Variants in ZNF587 observed in about 807,000 individuals in gnomAD.
The protein encoded by ZNF587 is zinc finger protein 587.
ZNF587 carries 8 observed loss-of-function variants against 7.5 expected under a neutral mutation model. The ratio of observed to expected loss-of-function variants is 1.06; its 90% confidence interval spans 0.62 to 1.92. ZNF587 has a LOEUF of 1.92. Ranked by LOEUF, ZNF587 falls within the 40% of genes most tolerant of loss-of-function variation. The pLI, the probability that ZNF587 is intolerant of heterozygous loss-of-function variation, is 0.00. For synonymous variants in ZNF587, 145 were observed against 237.8 expected, an observed-to-expected ratio of 0.61 and a Z score of 3.59; for missense variants, 468 against 692.8, an observed-to-expected ratio of 0.68 and a Z score of 3.64.
At position 57,862,794 on chromosome 19, in the gene ZNF587, C is replaced by T. The variant is rs367772630; in HGVS notation, c.*2654C>T. ...ACCCGGAGGCAGGGTGCCACCTCCT[C>T]AACTTCCCTGAGGGCTGCCTAGAAT... On this transcript the variant is annotated 3_prime_UTR_variant, in exon 3 of 3. Transcript: ENST00000339656. The T allele has an allele frequency of 6.4e-5, 10 of 155,120 alleles. No homozygotes were observed. Among genetic ancestry groups the T allele is most frequent in the African/African-American group, 2.4e-4 (10 of 41,644 alleles). The allele number at this position is 155,120 out of a possible 1,614,324, so 9.6% of individuals were successfully genotyped here.
intron 1 of ZNF587, among the ~76,000 whole-genome samples, chr19:57,855,012 T>TA (rs979827616): frequency 0.036 from 5,061 of 142,084 alleles, 234 homozygotes; most frequent in African/African-American, 0.11. Flanking sequence ...CCGTCTCTAC[T>TA]AAAAAAAAAA....
chr19:57,856,095 C>G lies in ZNF587; in HGVS notation c.34-9C>G. 1 of 1,612,656 alleles carries G rather than the reference C, an allele frequency of 6.2e-7. No homozygotes were observed. Among genetic ancestry groups the G allele is most frequent in the South Asian group, 1.1e-5 (1 of 90,880 alleles). On this transcript the variant is annotated splice_polypyrimidine_tract_variant and intron_variant, in intron 1 of 2. Transcript: ENST00000339656. ...GGGCTGCTTGTGGTTTCATCTGTCA[C>G]TATCATAGCAGGGCACTGTGACCTT...
In ZNF587 at chr19:57,856,363, G is replaced by C. The variant is rs867594050; in HGVS notation, c.163+130G>C. 1.7e-5 allele frequency: 24 copies of C among 1,440,240 alleles called. No homozygotes were observed. In the Middle Eastern group the frequency reaches 9.5e-4, roughly 57 times the overall value. The allele number at this position is 1,440,240 out of a possible 1,614,324, so 89.2% of individuals were successfully genotyped here. A position where few individuals can be genotyped will look rare whatever the true frequency, so the allele number is the denominator to read the frequency against. On this transcript the variant is annotated intron_variant, in intron 2 of 2. Coordinates refer to ENST00000339656, the MANE Select transcript of ZNF587 (RefSeq NM_032828.4). ...CCTTCTGCACTTCTCTGTGTAAGTT[G>C]TGTGGTTCGTAGGAGTAAGGTGTGT...
At chr19:57,852,530 C>CTTT in intron 1 of ZNF587, 3 of 355,462 alleles carry the variant, frequency 8.4e-6, no homozygotes, top group African/African-American at 2.1e-5. Flanking sequence ...GCTAGGTTTT[C>CTTT]TTTTTTTTTT....
At chr19:57,850,577 A>G (rs79469539) in intron 1 of ZNF587, 25,535 of 406,886 alleles carry the variant, frequency 0.063, 982 homozygotes, top group Middle Eastern at 0.088. Context: ...AAATGCCCCA[A>G]GCACTGATCT....
intron 1 of ZNF587, among the ~76,000 whole-genome samples, chr19:57,855,115 C>G (rs2071335091): frequency 6.6e-6 from 1 of 151,748 alleles, no homozygotes; most frequent in South Asian, 2.1e-4. Context: ...ACCTGGGAGG[C>G]AGAGCTTGCA....
At position 57,860,149 on chromosome 19, in the gene ZNF587, A is replaced by G; in HGVS notation, c.*9A>G. 1 of 1,614,152 alleles carries G rather than the reference A, an allele frequency of 6.2e-7. No individual in the cohort carries two copies. Among genetic ancestry groups the G allele is most frequent in the Non-Finnish European group, 8.5e-7 (1 of 1,179,992 alleles). On this transcript the variant is annotated 3_prime_UTR_variant, in exon 3 of 3. Coordinates refer to ENST00000339656, the MANE Select transcript of ZNF587 (RefSeq NM_032828.4). The stretch of plus-strand genomic sequence containing the variant: ...GGAGAAAGGCCTTATGAGTGCAGTG[A>G]ATATGGGAAATCGTTTGCTGAAGCA...
intron 1 of ZNF587, chr19:57,850,341 TATTC>T: frequency 1.6e-6 from 1 of 627,134 alleles, no homozygotes; most frequent in East Asian, 2.8e-5. Flanking sequence ...GGAGTTTTAT[TATTC>T]AAATCAGTCT....
Position 57,862,864 on chromosome 19 carries a change from A to G in ZNF587, c.*2724A>G, listed in dbSNP as rs1329701177. ...ATTATTCTTCCTCTTATGGCTGACC[A>G]AAAACATGGAACCTCACAAAGTCCA... On this transcript the variant is annotated 3_prime_UTR_variant, in exon 3 of 3. Coordinates refer to ENST00000339656, the MANE Select transcript of ZNF587 (RefSeq NM_032828.4). The G allele has an allele frequency of 1.3e-5, 2 of 155,064 alleles. No individual in the cohort carries two copies. The highest frequency in any genetic ancestry group is 2.9e-5 in the Non-Finnish European group (2 of 68,266). The allele number at this position is 155,064 out of a possible 1,614,324, so 9.6% of individuals were successfully genotyped here.
chr19:57,850,681 A>G (rs2122297381), intron 1 of ZNF587: 1 of 397,714 alleles, frequency 2.5e-6, no homozygotes, highest in South Asian at 1.4e-4. Context: ...ACGCATTTAA[A>G]AGGCGGGTCC....
chr19:57,860,069 T>C lies in ZNF587; in HGVS notation c.1657T>C (p.Cys553Arg), dbSNP rs778710689. The change falls in exon 3 of 3, where the codon TGT (cysteine) becomes CGT (arginine). Residue 553 changes from cysteine (C) to arginine (R), a missense_variant. Physicochemically the swap from Cys to Arg is radical, Grantham distance 180 (BLOSUM62 -3). Transcript: ENST00000339656. ...AGAAAGGCCTTATGAATGCACCAAA[T>C]GTGGAAAAACATTTCAGCGAAGCTC... ...TGERPYECTK[C>R]GKTFQRSSTL... 1.9e-6 allele frequency: 3 copies of C among 1,613,526 alleles called. No individual in the cohort carries two copies. The highest frequency in any genetic ancestry group is 2.2e-5 in the East Asian group (1 of 44,894).
Position 57,858,588 on chromosome 19 carries a change from G to A in ZNF587, c.176G>A (p.Gly59Glu), listed in dbSNP as rs1277216475. ...ALISSLGCWC[G>E]SKDEEAPCKQ... ...TTCTTGCTTTCAGGTTGTTGGTGTG[G>A]ATCAAAAGATGAGGAGGCACCTTGT... is the stretch of plus-strand genomic sequence containing the variant. Residue 59 changes from glycine (G) to glutamate (E), a missense_variant, in exon 3 of 3, where the codon GGA becomes GAA. By Grantham distance (98) the Gly-to-Glu change is moderately conservative. This residue lies in a region of ZNF587 where 92 missense variants were observed against 89.7 expected (regional missense o/e 1.03). Coordinates refer to ENST00000339656, the MANE Select transcript of ZNF587 (RefSeq NM_032828.4). 1.9e-6 allele frequency: 3 copies of A among 1,598,702 alleles called. No homozygotes were observed. The highest frequency in any genetic ancestry group is 4.5e-5 in the East Asian group (2 of 44,636).
At chr19:57,858,519 G>C (rs2071394530) in intron 2 of ZNF587, 57 bp from the exon 3 acceptor site, 30 of 1,564,446 alleles carry the variant, frequency 1.9e-5, no homozygotes, top group Non-Finnish European at 2.5e-5. Flanking sequence ...CTTGTGGGTG[G>C]GCTGTGCCTT....
chr19:57,852,165 G>A (rs1213977740), intron 1 of ZNF587: 30 of 392,206 alleles, frequency 7.6e-5, no homozygotes, highest in Admixed American at 4.5e-4. Context: ...CCTTTGATCC[G>A]AGGACCCTGG....
chr19:57,863,103 C>A lies in ZNF587; in HGVS notation c.*2963C>A, dbSNP rs1260145559. On this transcript the variant is annotated 3_prime_UTR_variant, in exon 3 of 3. Transcript: ENST00000339656. ...AGTAGCTGGGACCACAAGCGCCCAC[C>A]ACGTCAGCTTAATTTTTTTGTTTTG... 2.0e-5 allele frequency: 3 copies of A among 152,722 alleles called. No individual in the cohort carries two copies. Among genetic ancestry groups the A allele is most frequent in the African/African-American group, 2.4e-5 (1 of 41,426 alleles). 9.5% of individuals were successfully genotyped at this position (152,722 alleles called of 1,614,324 possible).
rs1302964166 is a variant in ZNF587 at position 57,864,009 on chromosome 19, C to T, written c.*3869C>T. 1 of 145,710 alleles carries T rather than the reference C, an allele frequency of 6.9e-6. No individual in the cohort carries two copies. The highest frequency in any genetic ancestry group is 1.5e-5 in the Non-Finnish European group (1 of 67,152). 9.0% of individuals were successfully genotyped at this position (145,710 alleles called of 1,614,324 possible). On this transcript the variant is annotated 3_prime_UTR_variant, in exon 3 of 3. Coordinates refer to ENST00000339656, the MANE Select transcript of ZNF587 (RefSeq NM_032828.4). The stretch of plus-strand genomic sequence containing the variant: ...ACTGAGCCAATATCACACCAGTGCA[C>T]TCCAACCTGGTGACAGAGAGACACA...
chr19:57,857,223 T>G (rs2071368754), intron 2 of ZNF587: 1 of 151,968 alleles, frequency 6.6e-6, no homozygotes, highest in South Asian at 2.1e-4. Flanking sequence ...AGTGCCATGC[T>G]GGGGGAGGGC....
intron 2 of ZNF587, 50 bp downstream of exon 2, chr19:57,856,283 C>T (rs747769957): frequency 1.3e-6 from 2 of 1,530,972 alleles, no homozygotes; most frequent in South Asian, 2.6e-5. Context: ...TTACTGTTCC[C>T]CTGTTTTTCA....
At chr19:57,852,027 C>T (rs1302366386) in intron 1 of ZNF587, 2 of 276,734 alleles carry the variant, frequency 7.2e-6, no homozygotes, top group Non-Finnish European at 1.3e-5. Context: ...GCACTCCTGG[C>T]TGCAGAAGCA....
Sources: gnomAD v4.1 joint callset for allele counts (sites outside exome capture counted in the v4.1 genomes callset) on GRCh38, gnomAD v4.1.1 for gene constraint, gnomAD v4.1.1 regional missense constraint, MANE v1.5 for transcripts, NCBI Gene and HGNC (gene_info 2026-07-23, HGNC 2026-07-21) for gene names.